Variants in GRM5 observed in about 807,000 individuals in gnomAD.
GRM5 encodes the protein metabotropic glutamate receptor 5.
Under a neutral mutation model 83.1 loss-of-function variants are expected in GRM5, and 19 were observed. The observed-to-expected ratio is 0.23, with a 90% CI of 0.16 to 0.34. GRM5 has a LOEUF of 0.34. Among genes scored for constraint, GRM5 ranks in the 10% least tolerant of loss-of-function variants. The pLI, the probability that GRM5 is intolerant of heterozygous loss-of-function variation, is 1.00. For missense variants in GRM5, 1,160 were observed against 1,588.3 expected (o/e 0.73, Z 4.58); for synonymous variants, 675 against 633.6 (o/e 1.07, Z -0.98).
rs536775496 is a variant in GRM5, at chr11:88,958,244, T to G, written c.661+88968A>C. On this transcript the variant is annotated intron_variant, in intron 2 of 9. Coordinates refer to ENST00000305447, the MANE Select transcript of GRM5 (RefSeq NM_001143831.3). The stretch of plus-strand genomic sequence containing the variant: ...ATGTTTATCACTTTCAAAAATATTT[T>G]ATATATATATATATAATGTATATGA... Among the ~76,000 whole-genome samples the G allele has an allele frequency of 2.1e-5, 3 of 144,832 alleles. No homozygotes were observed. In the East Asian group the frequency reaches 5.8e-4, roughly 28 times the overall value.
At chr11:88,995,160 G>A (rs1300101292) in intron 2 of GRM5, among the ~76,000 whole-genome samples, 6 of 152,230 alleles carry the variant, frequency 3.9e-5, no homozygotes, top group South Asian at 4.1e-4. Flanking sequence ...GAGAATAGGA[G>A]ACAGTTATTA....
At position 89,049,620 on chromosome 11, in the gene GRM5, C is replaced by T. The variant is rs180797678; in HGVS notation, c.-200-1548G>A. On this transcript the variant is annotated intron_variant, in intron 1 of 9. Coordinates refer to ENST00000305447, the MANE Select transcript of GRM5 (RefSeq NM_001143831.3). ...TCATGTTTCTAATCACTCCTACCATCATTTTCACTATTTCCTTCTACTGTT... is the reference window on the plus strand; with the variant it reads ...TCATGTTTCTAATCACTCCTACCATTATTTTCACTATTTCCTTCTACTGTT... Among the ~76,000 whole-genome samples the T allele has an allele frequency of 6.8e-3, 1,043 of 152,338 alleles. 4 individuals carry two copies. Among genetic ancestry groups the T allele is most frequent in the Non-Finnish European group, 9.7e-3 (661 of 68,020 alleles).
chr11:88,767,663 G>A (rs918681482), intron 3 of GRM5, among the ~76,000 whole-genome samples: 3 of 151,864 alleles, frequency 2.0e-5, no homozygotes, highest in African/African-American at 7.3e-5. Flanking sequence ...AACGGACATT[G>A]GGACCTACTT....
At chr11:88,911,907 A>G (rs1945506113) in intron 2 of GRM5, 1 of 420,480 alleles carries the variant, frequency 2.4e-6, no homozygotes, top group African/African-American at 2.1e-5. Context: ...GTGGTGGGGA[A>G]CCTAGAAATA....
chr11:88,718,355 G>A (rs1036171880), intron 3 of GRM5, among the ~76,000 whole-genome samples: 3 of 151,838 alleles, frequency 2.0e-5, no homozygotes, highest in Admixed American at 6.6e-5. Context: ...GAGCAAATAC[G>A]TGATCTTCTT....
intron 2 of GRM5, among the ~76,000 whole-genome samples, chr11:88,875,976 C>T (rs1944846885): frequency 6.6e-6 from 1 of 152,002 alleles, no homozygotes; most frequent in Non-Finnish European, 1.5e-5. Context: ...AATAAAAGAA[C>T]ACTGGCTTCA....
At chr11:88,551,133 C>T (rs754122417) in intron 8 of GRM5, among the ~76,000 whole-genome samples, 11 of 152,144 alleles carry the variant, frequency 7.2e-5, no homozygotes, top group Middle Eastern at 3.4e-3. Flanking sequence ...GTAATGTTAC[C>T]TGTCTCATGG....
At chr11:88,655,315 C>G (rs1268120447) in intron 3 of GRM5, among the ~76,000 whole-genome samples, 1 of 151,938 alleles carries the variant, frequency 6.6e-6, no homozygotes, top group Non-Finnish European at 1.5e-5. Flanking sequence ...TTTATTATAT[C>G]ACTGAGATGA....
chr11:88,712,136 T>C (rs886724889), intron 3 of GRM5, among the ~76,000 whole-genome samples: 1 of 152,102 alleles, frequency 6.6e-6, no homozygotes, highest in Non-Finnish European at 1.5e-5. Context: ...TCTTGTCTTG[T>C]ATAACTAATT....
intron 1 of GRM5, among the ~76,000 whole-genome samples, chr11:89,049,514 T>C (rs965275128): frequency 5.9e-5 from 9 of 152,194 alleles, no homozygotes; most frequent in African/African-American, 1.2e-4. Flanking sequence ...AATATCGCAC[T>C]TTTACAAGAA....
chr11:89,010,769 T>C (rs1159033893), intron 2 of GRM5, among the ~76,000 whole-genome samples: 1 of 150,804 alleles, frequency 6.6e-6, no homozygotes. Flanking sequence ...AGAATAGTTA[T>C]TAGAACGTAG....
At position 88,994,445 on chromosome 11, in the gene GRM5, TTATATATATATATATA is replaced by T. The variant is rs58154444; in HGVS notation, c.661+52751_661+52766del. On this transcript the variant is annotated intron_variant, in intron 2 of 9. Coordinates refer to ENST00000305447, the MANE Select transcript of GRM5 (RefSeq NM_001143831.3). Reference sequence around the variant, plus strand: ...TATTATTATTTATCACTTTAACTGATTATATATATATATATATATATATATATATATATATATATAT... The same window carrying T: ...TATTATTATTTATCACTTTAACTGATTATATATATATATATATATATATAT... Among the ~76,000 whole-genome samples the T allele has an allele frequency of 2.3e-3, 204 of 86,900 alleles. 2 individuals are homozygous for T. The highest frequency in any genetic ancestry group is 3.0e-3 in the Admixed American group (21 of 7,106). 57.0% of individuals were successfully genotyped at this position (86,900 alleles called of 152,430 possible). A position where few individuals can be genotyped will look rare whatever the true frequency, so the allele number is the denominator to read the frequency against.
intron 3 of GRM5, among the ~76,000 whole-genome samples, chr11:88,794,114 G>C (rs1348862280): frequency 6.6e-6 from 1 of 152,134 alleles, no homozygotes; most frequent in African/African-American, 2.4e-5. Context: ...GAAGGTGAGA[G>C]ATAATTAATA....
intron 4 of GRM5, among the ~76,000 whole-genome samples, chr11:88,627,533 T>G (rs1343814238): frequency 6.6e-6 from 1 of 152,150 alleles, no homozygotes; most frequent in East Asian, 1.9e-4. Context: ...GATATACTCC[T>G]CCTAATTGGC....
At chr11:88,768,759 G>A (rs971270627) in intron 3 of GRM5, among the ~76,000 whole-genome samples, 1 of 151,928 alleles carries the variant, frequency 6.6e-6, no homozygotes, top group African/African-American at 2.4e-5. Flanking sequence ...TGAAGAAAAG[G>A]CCACGTGAAG....
At chr11:88,997,526 T>C (rs1314668575) in intron 2 of GRM5, among the ~76,000 whole-genome samples, 2 of 150,750 alleles carry the variant, frequency 1.3e-5, no homozygotes, top group African/African-American at 2.4e-5. Flanking sequence ...ATCAGTAAAA[T>C]TGACAATCCT....
chr11:88,951,935 T>C (rs1450874064), intron 2 of GRM5, among the ~76,000 whole-genome samples: 1 of 152,228 alleles, frequency 6.6e-6, no homozygotes, highest in Admixed American at 6.5e-5. Flanking sequence ...TGCTTTTGAC[T>C]GCTCTATATT....
At chr11:88,954,058 C>T (rs1315994961) in intron 2 of GRM5, among the ~76,000 whole-genome samples, 1 of 152,082 alleles carries the variant, frequency 6.6e-6, no homozygotes, top group Non-Finnish European at 1.5e-5. Flanking sequence ...GAATGGTTAT[C>T]AACCTGCTGT....
At chr11:88,551,195 G>C (rs2135146924) in intron 8 of GRM5, among the ~76,000 whole-genome samples, 1 of 152,250 alleles carries the variant, frequency 6.6e-6, no homozygotes, top group South Asian at 2.1e-4. Flanking sequence ...AGTAGTACCT[G>C]CTACATCATA....
Sources: gnomAD v4.1 joint callset for allele counts (sites outside exome capture counted in the v4.1 genomes callset) on GRCh38, gnomAD v4.1.1 for gene constraint, MANE v1.5 for transcripts, NCBI Gene and HGNC (gene_info 2026-07-23, HGNC 2026-07-21) for gene names.